The following ABCD3 variants were observed in gnomAD, a reference collection of about 807,000 sequenced individuals.
The protein encoded by ABCD3 is ATP binding cassette subfamily D member 3, also known as ATP-binding cassette sub-family D member 3.
ABCD3 carries 41 observed loss-of-function variants against 105.5 expected under a neutral mutation model. The observed-to-expected ratio is 0.39, with a 90% CI of 0.30 to 0.50. The LOEUF (loss-of-function observed/expected upper bound fraction) is 0.50. ABCD3 is among the 20% of genes least tolerant of loss of function. The probability of loss-of-function intolerance (pLI) is 0.84; values close to 1 mark genes in which losing one functional copy is unlikely to be tolerated. For synonymous variants in ABCD3, 258 were observed against 269.0 expected, an observed-to-expected ratio of 0.96 and a Z score of 0.40; for missense variants, 622 against 806.3, an observed-to-expected ratio of 0.77 and a Z score of 2.77.
chr1:94,407,849 A>G, the ABCD3 span, among the ~76,000 whole-genome samples: 15 of 152,374 alleles, frequency 9.8e-5, no homozygotes, highest in African/African-American at 3.6e-4. Flanking sequence ...ACAACAACAA[A>G]CAAAAAATAA....
intron 1 of ABCD3, among the ~76,000 whole-genome samples, chr1:94,458,315 G>A (rs545672249): frequency 8.5e-5 from 13 of 152,292 alleles, no homozygotes; most frequent in African/African-American, 2.6e-4. Flanking sequence ...GGATGAAGAA[G>A]TAGACTTGCA....
chr1:94,428,350 TTAA>T (rs1449143588), intron 1 of ABCD3, among the ~76,000 whole-genome samples: 16 of 152,230 alleles, frequency 1.1e-4, no homozygotes, highest in African/African-American at 3.9e-4. Context: ...TATTTGGACT[TTAA>T]TATTTTATTA....
chr1:94,478,324 G>T lies in ABCD3; in HGVS notation c.684+9G>T. On this transcript the variant is annotated intron_variant, in intron 8 of 22. Transcript: ENST00000370214. ...GTGCAATTGGAGCTCAGGTGAGTCT[G>T]CTTTTATTTCAACTTTTAAATTGAT... 1.9e-6 allele frequency: 3 copies of T among 1,591,886 alleles called. No homozygotes were observed. The highest frequency in any genetic ancestry group is 1.7e-6 in the Non-Finnish European group (2 of 1,162,282).
the ABCD3 span, among the ~76,000 whole-genome samples, chr1:94,397,965 T>TC: frequency 1.3e-5 from 2 of 152,220 alleles, no homozygotes; most frequent in African/African-American, 4.8e-5. Flanking sequence ...TCAAATTTTT[T>TC]TATTATTATT....
chr1:94,447,661 C>T (rs986786855), intron 1 of ABCD3, among the ~76,000 whole-genome samples: 4 of 152,162 alleles, frequency 2.6e-5, no homozygotes, highest in South Asian at 4.1e-4. Context: ...ATTTGTGCTG[C>T]CCCCTATCGA....
At chr1:94,467,186 C>G (rs1172198049) in intron 3 of ABCD3, among the ~76,000 whole-genome samples, 1 of 152,138 alleles carries the variant, frequency 6.6e-6, no homozygotes, top group Non-Finnish European at 1.5e-5. Context: ...TACCATAGTT[C>G]ATATGATTTT....
At chr1:94,397,543 G>A in the ABCD3 span, among the ~76,000 whole-genome samples, 1 of 152,208 alleles carries the variant, frequency 6.6e-6, no homozygotes, top group African/African-American at 2.4e-5. Context: ...TTGGGAGAAT[G>A]CCATGGAGAT....
chr1:94,456,330 A>C (rs2100954198), intron 1 of ABCD3, among the ~76,000 whole-genome samples: 1 of 119,590 alleles, frequency 8.4e-6, no homozygotes, highest in South Asian at 2.9e-4. Flanking sequence ...GCTGGAGTGC[A>C]GTGGCACAAT....
chr1:94,413,886 C>T (rs1658957109), upstream of ABCD3, among the ~76,000 whole-genome samples: 1 of 151,992 alleles, frequency 6.6e-6, no homozygotes, highest in Non-Finnish European at 1.5e-5. Flanking sequence ...ATTAACTTGG[C>T]AATGGGGTGA....
upstream of ABCD3, among the ~76,000 whole-genome samples, chr1:94,415,134 C>T (rs548346918): frequency 3.5e-4 from 54 of 152,310 alleles, no homozygotes; most frequent in African/African-American, 1.3e-3. Flanking sequence ...AGGCAGAAGC[C>T]ACAGTGCCTT....
intron 10 of ABCD3, 111 bp from the exon 11 acceptor site, chr1:94,487,431 C>T: frequency 1.1e-6 from 1 of 935,040 alleles, no homozygotes; most frequent in Admixed American, 2.0e-5. Context: ...ATCACGGGCA[C>T]TCAGTAAATA....
At chr1:94,427,849 T>C (rs1659526307) in intron 1 of ABCD3, among the ~76,000 whole-genome samples, 1 of 152,214 alleles carries the variant, frequency 6.6e-6, no homozygotes, top group African/African-American at 2.4e-5. Context: ...TACATAAAAT[T>C]AGGCATCAGG....
chr1:94,467,227 T>TC (rs1372304455), intron 3 of ABCD3, among the ~76,000 whole-genome samples: 3 of 152,214 alleles, frequency 2.0e-5, no homozygotes, highest in Non-Finnish European at 4.4e-5. Flanking sequence ...AAATCCTTCA[T>TC]CTTTTTTACC....
chr1:94,491,986 T>G (rs1649554874), intron 16 of ABCD3, among the ~76,000 whole-genome samples: 2 of 152,148 alleles, frequency 1.3e-5, no homozygotes, highest in Admixed American at 1.3e-4. Context: ...AACAACACTT[T>G]CCCGTAGAAC....
the ABCD3 span, among the ~76,000 whole-genome samples, chr1:94,410,230 C>T: frequency 6.6e-6 from 1 of 152,196 alleles, no homozygotes; most frequent in Non-Finnish European, 1.5e-5. Context: ...AATTTTCACT[C>T]TCTTATAGAT....
chr1:94,424,721 C>T (rs527796073), intron 1 of ABCD3, among the ~76,000 whole-genome samples: 1 of 152,148 alleles, frequency 6.6e-6, no homozygotes, highest in Non-Finnish European at 1.5e-5. Flanking sequence ...CTGGCCCCTG[C>T]CACTCAAAAT....
chr1:94,445,679 GC>G lies in ABCD3; in HGVS notation c.111-12924del, dbSNP rs542038569. On this transcript the variant is annotated intron_variant, in intron 1 of 22. Transcript: ENST00000370214. ...AGAGGACACTGGGCGAAAAGTAGTTGCCCCAGTGACTGTTCGAGCAGTGCCT... is the reference window on the plus strand; with the variant it reads ...AGAGGACACTGGGCGAAAAGTAGTTGCCCAGTGACTGTTCGAGCAGTGCCT... Among the ~76,000 whole-genome samples, 321 of 152,258 alleles carry G rather than the reference GC, an allele frequency of 2.1e-3. 1 individual carries two copies. Among genetic ancestry groups the G allele is most frequent in the African/African-American group, 7.5e-3 (312 of 41,540 alleles).
In ABCD3 at chr1:94,498,999, C is replaced by T. The variant is rs1313259003; in HGVS notation, c.1585C>T (p.Arg529Ter). 1.9e-6 allele frequency: 3 copies of T among 1,613,688 alleles called. No homozygotes were observed. The highest frequency in any genetic ancestry group is 2.5e-6 in the Non-Finnish European group (3 of 1,179,900). Residue 529 changes from arginine to a stop codon, truncating the protein, a stop_gained, in exon 19 of 23, where the codon CGA becomes TGA. Transcript: ENST00000370214. LOFTEE classifies it high-confidence loss of function. ...AGATCAAGTGATATATCCAGATGGACGAGAAGATCAGAAAAGGAAGGGAAT... is the reference window on the plus strand; with the variant it reads ...AGATCAAGTGATATATCCAGATGGATGAGAAGATCAGAAAAGGAAGGGAAT... Reference protein sequence around the residue: ...LRDQVIYPDGREDQKRKGISD... With the variant: ...LRDQVIYPDG
intron 1 of ABCD3, among the ~76,000 whole-genome samples, chr1:94,456,207 A>G (rs1474991315): frequency 7.9e-6 from 1 of 126,086 alleles, no homozygotes; most frequent in South Asian, 2.4e-4. Flanking sequence ...GGCTTATTTC[A>G]TTTAGTATAA....
Sources: gnomAD v4.1 joint callset for allele counts (sites outside exome capture counted in the v4.1 genomes callset) on GRCh38, gnomAD v4.1.1 for gene constraint, MANE v1.5 for transcripts, NCBI Gene and HGNC (gene_info 2026-07-23, HGNC 2026-07-21) for gene names.